Variants in MFHAS1 observed in about 807,000 individuals in gnomAD.
MFHAS1 encodes the protein multifunctional ROCO family signaling regulator 1, also known as malignant fibrous histiocytoma-amplified sequence 1.
MFHAS1 carries 50 observed loss-of-function variants against 70.4 expected under a neutral mutation model. The observed-to-expected ratio is 0.71, with a 90% confidence interval of 0.57 to 0.90. MFHAS1 has a LOEUF of 0.90. Ranked by LOEUF, MFHAS1 falls within the 40% of genes least tolerant of loss-of-function variation. MFHAS1 has a pLI of 0.00. For synonymous variants in MFHAS1, 952 were observed against 620.0 expected (o/e 1.54, Z -7.96); for missense variants, 1,795 against 1,347.6 (o/e 1.33, Z -5.20).
At chr8:8,872,738 T>C (rs1809124893) in intron 1 of MFHAS1, among the ~76,000 whole-genome samples, 2 of 149,434 alleles carry the variant, frequency 1.3e-5, no homozygotes, top group Non-Finnish European at 3.0e-5. Flanking sequence ...AGGGACTAAA[T>C]AGAAAATGAG....
intron 1 of MFHAS1, among the ~76,000 whole-genome samples, chr8:8,876,163 A>G (rs1041324075): frequency 2.0e-5 from 3 of 152,198 alleles, no homozygotes; most frequent in Admixed American, 2.0e-4. Context: ...TATGATGCCT[A>G]AAGTCACATA....
At chr8:8,854,129 G>A (rs772758691) in intron 1 of MFHAS1, among the ~76,000 whole-genome samples, 1 of 152,132 alleles carries the variant, frequency 6.6e-6, no homozygotes, top group Non-Finnish European at 1.5e-5. Context: ...GGGTGTGGTG[G>A]CTCACAGCTG....
At chr8:8,878,962 T>C (rs1369492043) in intron 1 of MFHAS1, among the ~76,000 whole-genome samples, 1 of 152,226 alleles carries the variant, frequency 6.6e-6, no homozygotes, top group African/African-American at 2.4e-5. Context: ...ATGCTGTCTT[T>C]GGAGTCAGCA....
chr8:8,825,638 C>T (rs1322261429), intron 1 of MFHAS1, among the ~76,000 whole-genome samples: 2 of 152,122 alleles, frequency 1.3e-5, no homozygotes, highest in Non-Finnish European at 2.9e-5. Context: ...GTACAAATTT[C>T]CTCTTCTTGT....
chr8:8,887,299 T>C (rs914128693), intron 1 of MFHAS1, among the ~76,000 whole-genome samples: 2 of 152,348 alleles, frequency 1.3e-5, no homozygotes, highest in Non-Finnish European at 1.5e-5. Context: ...TTAGCTTTTA[T>C]TTCTAACTCA....
intron 1 of MFHAS1, among the ~76,000 whole-genome samples, chr8:8,848,584 A>G (rs1037083426): frequency 2.6e-5 from 4 of 151,796 alleles, no homozygotes; most frequent in Admixed American, 1.3e-4. Flanking sequence ...GATAAAGACA[A>G]GCCCTTTTAC....
intron 1 of MFHAS1, among the ~76,000 whole-genome samples, chr8:8,838,174 G>C (rs893501490): frequency 2.0e-5 from 3 of 152,172 alleles, no homozygotes; most frequent in Non-Finnish European, 4.4e-5. Context: ...CTATCCGTTA[G>C]GATTTCTACG....
At chr8:8,846,568 C>T (rs1374510780) in intron 1 of MFHAS1, among the ~76,000 whole-genome samples, 4 of 152,070 alleles carry the variant, frequency 2.6e-5, no homozygotes, top group African/African-American at 2.4e-5. Flanking sequence ...AGTTCCCAAG[C>T]CTCACAGAAT....
At chr8:8,884,738 G>A (rs1372283431) in intron 1 of MFHAS1, among the ~76,000 whole-genome samples, 1 of 152,148 alleles carries the variant, frequency 6.6e-6, no homozygotes, top group Non-Finnish European at 1.5e-5. Flanking sequence ...GCTGAGGCAG[G>A]CAGACTTTGA....
chr8:8,832,244 T>C (rs1037684259), intron 1 of MFHAS1, among the ~76,000 whole-genome samples: 4 of 152,010 alleles, frequency 2.6e-5, no homozygotes, highest in Non-Finnish European at 4.4e-5. Context: ...TGTTGAACTC[T>C]TGCTCTTCAA....
At chr8:8,822,323 A>C (rs1362026266) in intron 1 of MFHAS1, among the ~76,000 whole-genome samples, 2 of 152,272 alleles carry the variant, frequency 1.3e-5, no homozygotes, top group South Asian at 4.1e-4. Context: ...AGGAAAATGG[A>C]GCGAGTCCTC....
In MFHAS1 at chr8:8,892,348, G is replaced by C; in HGVS notation, c.711C>G (p.Ala237=). The C allele has an allele frequency of 1.2e-6, 2 of 1,612,104 alleles. No individual in the cohort carries two copies. Among genetic ancestry groups the C allele is most frequent in the Non-Finnish European group, 1.7e-6 (2 of 1,179,958 alleles). The change falls in exon 1 of 3, where the codon GCC becomes GCG. Residue 237 remains alanine (A), a synonymous_variant. Coordinates refer to ENST00000276282, the MANE Select transcript of MFHAS1 (RefSeq NM_004225.3). The surrounding 1 kb of genome is among the most constrained non-coding windows in gnomAD (Gnocchi z 4.7). ...AGCCGGCGGGCAGCGTGCCAAGCTC[G>C]GCCCCACTCAGCCAGAGGATCTTGA... ...RALKILWLSG[A]ELGTLPAGFC... is the part of the protein sequence containing the mutation.
rs1038653170 is a variant in MFHAS1 at position 8,843,381 on chromosome 8, C to T, written c.2999-45890G>A. On this transcript the variant is annotated intron_variant, in intron 1 of 2. Transcript: ENST00000276282. ...GGCAAATCACTTGAGGCCAGGAGTTCGAGACCAGCCTAGGCAACATTTCAA... is the reference window on the plus strand; with the variant it reads ...GGCAAATCACTTGAGGCCAGGAGTTTGAGACCAGCCTAGGCAACATTTCAA... Among the ~76,000 whole-genome samples the T allele has an allele frequency of 1.4e-4, 21 of 151,988 alleles. 1 individual carries two copies. Among genetic ancestry groups the T allele is most frequent in the African/African-American group, 4.8e-4 (20 of 41,378 alleles).
At chr8:8,854,746 G>C (rs187419231) in intron 1 of MFHAS1, among the ~76,000 whole-genome samples, 2 of 151,994 alleles carry the variant, frequency 1.3e-5, no homozygotes, top group Admixed American at 1.3e-4. Context: ...ACATCACATG[G>C]AACATATTTA....
intron 1 of MFHAS1, among the ~76,000 whole-genome samples, chr8:8,880,654 G>A (rs75525312): frequency 0.021 from 3,131 of 151,684 alleles, 106 homozygotes; most frequent in African/African-American, 0.07. Context: ...GGGGGCTGTC[G>A]GTCTAGGGCA....
rs371773787 is a variant in MFHAS1 at position 8,887,668 on chromosome 8, A to G, written c.2998+2393T>C. Among the ~76,000 whole-genome samples the G allele has an allele frequency of 1.7e-3, 256 of 151,416 alleles. 1 individual carries two copies. The highest frequency in any genetic ancestry group is 5.9e-3 in the African/African-American group (244 of 41,458). On this transcript the variant is annotated intron_variant, in intron 1 of 2. Transcript: ENST00000276282. ...TATAAGATAATTTTACAATTTTTCAATCATTTGTTTTCCACATTGAAAAAA... is the reference window on the plus strand; with the variant it reads ...TATAAGATAATTTTACAATTTTTCAGTCATTTGTTTTCCACATTGAAAAAA...
At chr8:8,855,275 A>C (rs1182789097) in intron 1 of MFHAS1, among the ~76,000 whole-genome samples, 1 of 152,180 alleles carries the variant, frequency 6.6e-6, no homozygotes, top group Non-Finnish European at 1.5e-5. Flanking sequence ...TTTATCTGGC[A>C]ATCTTAACAT....
chr8:8,849,636 T>G (rs1434136547), intron 1 of MFHAS1, among the ~76,000 whole-genome samples: 1 of 152,230 alleles, frequency 6.6e-6, no homozygotes, highest in Non-Finnish European at 1.5e-5. Context: ...AAATGCATTT[T>G]GTGTCTCCTG....
At chr8:8,788,578 C>T (rs1216642721) in intron 2 of MFHAS1, among the ~76,000 whole-genome samples, 1 of 152,138 alleles carries the variant, frequency 6.6e-6, no homozygotes, top group Non-Finnish European at 1.5e-5. Context: ...ACTCGGGGGG[C>T]TGAGGCAGGA....
Sources: gnomAD v4.1 joint callset for allele counts (sites outside exome capture counted in the v4.1 genomes callset) on GRCh38, gnomAD v4.1.1 for gene constraint, Gnocchi (gnomAD v3.1) non-coding constraint, MANE v1.5 for transcripts, NCBI Gene and HGNC (gene_info 2026-07-23, HGNC 2026-07-21) for gene names.